CAMKMT: variants seen among roughly 807,000 people sequenced by gnomAD.
The protein encoded by CAMKMT is CaM KMT.
In CAMKMT, 53 loss-of-function variants were observed where a neutral mutation model predicts 48.0. That is an observed-to-expected ratio of 1.10 (90% CI 0.89 to 1.39). The LOEUF is 1.39. Among genes scored for constraint, CAMKMT ranks in the 40% most tolerant of loss-of-function variants. The pLI, the probability that CAMKMT is intolerant of heterozygous loss-of-function variation, is 0.00. For synonymous variants in CAMKMT, 165 were observed against 152.3 expected, an observed-to-expected ratio of 1.08 and a Z score of -0.61; for missense variants, 428 against 402.7, an observed-to-expected ratio of 1.06 and a Z score of -0.54.
At chr2:44,420,226 T>G (rs1683838285) in intron 3 of CAMKMT, among the ~76,000 whole-genome samples, 1 of 152,228 alleles carries the variant, frequency 6.6e-6, no homozygotes, top group Non-Finnish European at 1.5e-5. Context: ...CATGTTAATC[T>G]GTGTATAATT....
chr2:44,595,359 G>C (rs1223240409), intron 3 of CAMKMT, among the ~76,000 whole-genome samples: 3 of 152,164 alleles, frequency 2.0e-5, no homozygotes, highest in Non-Finnish European at 2.9e-5. Flanking sequence ...GCCCGCCTCA[G>C]CGTCCAAAGT....
intron 3 of CAMKMT, among the ~76,000 whole-genome samples, chr2:44,700,585 G>A (rs368951270): frequency 2.0e-5 from 3 of 152,150 alleles, no homozygotes; most frequent in Admixed American, 1.3e-4. Context: ...GGGGAATGCC[G>A]ACTGGTGGAG....
intron 3 of CAMKMT, among the ~76,000 whole-genome samples, chr2:44,702,490 A>G (rs148971337): frequency 2.6e-4 from 40 of 152,314 alleles, no homozygotes; most frequent in African/African-American, 8.7e-4. Context: ...CTCTCAGGCC[A>G]GTCCTGTGAG....
intron 3 of CAMKMT, among the ~76,000 whole-genome samples, chr2:44,629,401 A>G (rs1217859882): frequency 7.4e-6 from 1 of 135,674 alleles, no homozygotes; most frequent in Non-Finnish European, 1.6e-5. Context: ...TTACCTACCT[A>G]TCTCACTGTG....
intron 3 of CAMKMT, among the ~76,000 whole-genome samples, chr2:44,587,438 C>G (rs1032787934): frequency 2.3e-5 from 3 of 129,372 alleles, no homozygotes; most frequent in Non-Finnish European, 4.7e-5. Context: ...CTCTCCCTCT[C>G]CCTCCCCCTC....
At position 44,675,925 on chromosome 2, in the gene CAMKMT, T is replaced by C. The variant is rs565182091; in HGVS notation, c.377-28358T>C. Among the ~76,000 whole-genome samples, 6 of 152,324 alleles carry C rather than the reference T, an allele frequency of 3.9e-5. No homozygotes were observed. In the South Asian group the frequency reaches 1.2e-3, roughly 32 times the overall value. ...CGCAAATAAGTAAAATTGTACAGTA[T>C]TTTTCTTTTTGTGGCTAGCTTGTTT... is the stretch of plus-strand genomic sequence containing the variant. On this transcript the variant is annotated intron_variant, in intron 3 of 10. Coordinates refer to ENST00000378494, the MANE Select transcript of CAMKMT (RefSeq NM_024766.5).
chr2:44,671,551 C>A (rs1675326515), intron 3 of CAMKMT, among the ~76,000 whole-genome samples: 1 of 152,216 alleles, frequency 6.6e-6, no homozygotes, highest in Non-Finnish European at 1.5e-5. Context: ...GGCCTCCACT[C>A]ACCATGCCAG....
intron 6 of CAMKMT, among the ~76,000 whole-genome samples, chr2:44,714,641 T>A (rs1444089111): frequency 6.6e-6 from 1 of 152,146 alleles, no homozygotes; most frequent in Admixed American, 6.6e-5. Context: ...CTGGAAAGTC[T>A]CAGGAGACTG....
At chr2:44,617,395 G>A (rs1415133814) in intron 3 of CAMKMT, among the ~76,000 whole-genome samples, 1 of 152,170 alleles carries the variant, frequency 6.6e-6, no homozygotes, top group Admixed American at 6.5e-5. Context: ...CCTTAGGTAA[G>A]GGAAGAGACC....
chr2:44,768,044 G>C (rs1468832208), intron 10 of CAMKMT, among the ~76,000 whole-genome samples: 1 of 152,166 alleles, frequency 6.6e-6, no homozygotes, highest in Non-Finnish European at 1.5e-5. Context: ...GACATGCCAG[G>C]CACGCCCACC....
chr2:44,714,991 C>T (rs369987665), intron 6 of CAMKMT, among the ~76,000 whole-genome samples: 3 of 152,054 alleles, frequency 2.0e-5, no homozygotes, highest in South Asian at 2.1e-4. Flanking sequence ...GTCAGGAGTT[C>T]GAGACCAGCC....
chr2:44,482,346 AC>A (rs1669014954), intron 3 of CAMKMT, among the ~76,000 whole-genome samples: 1 of 152,164 alleles, frequency 6.6e-6, no homozygotes, highest in Non-Finnish European at 1.5e-5. Context: ...TCTTAAACAT[AC>A]ACCCAAAACA....
In CAMKMT at chr2:44,764,866, G is replaced by T. The variant is rs140003910; in HGVS notation, c.763-1564G>T. ...ATGTAGTGTAGTGGAGAGAGCATCAGTGCTGGGGCTTCTGATCATTCACTG... is the reference window on the plus strand; with the variant it reads ...ATGTAGTGTAGTGGAGAGAGCATCATTGCTGGGGCTTCTGATCATTCACTG... On this transcript the variant is annotated intron_variant, in intron 9 of 10. Coordinates refer to ENST00000378494, the MANE Select transcript of CAMKMT (RefSeq NM_024766.5). Among the ~76,000 whole-genome samples, 12 of 152,276 alleles carry T rather than the reference G, an allele frequency of 7.9e-5. No homozygotes were observed. In the East Asian group the frequency reaches 2.3e-3, roughly 29 times the overall value.
At chr2:44,463,469 G>A (rs2104625896) in intron 3 of CAMKMT, among the ~76,000 whole-genome samples, 1 of 152,266 alleles carries the variant, frequency 6.6e-6, no homozygotes, top group Non-Finnish European at 1.5e-5. Context: ...CTTCTGCCTT[G>A]AGAGGAAAAC....
At chr2:44,626,597 C>G (rs533546297) in intron 3 of CAMKMT, among the ~76,000 whole-genome samples, 1 of 152,306 alleles carries the variant, frequency 6.6e-6, no homozygotes, top group East Asian at 1.9e-4. Flanking sequence ...AGGGCCCATT[C>G]CTTCTCGACT....
At chr2:44,394,728 T>G (rs574962274) in intron 3 of CAMKMT, among the ~76,000 whole-genome samples, 103 of 152,326 alleles carry the variant, frequency 6.8e-4, no homozygotes, top group African/African-American at 2.4e-3. Flanking sequence ...GTGCCTGACC[T>G]GACCAGGATT....
At chr2:44,375,396 A>G (rs995512815) in intron 2 of CAMKMT, among the ~76,000 whole-genome samples, 15 of 151,664 alleles carry the variant, frequency 9.9e-5, no homozygotes, top group African/African-American at 3.6e-4. Context: ...AGAAATAAAT[A>G]TAAATATACA....
intron 3 of CAMKMT, among the ~76,000 whole-genome samples, chr2:44,435,078 C>CTA (rs1666141652): frequency 6.6e-6 from 1 of 152,080 alleles, no homozygotes; most frequent in South Asian, 2.1e-4. Context: ...TACGTAAATA[C>CTA]TACTAATTAA....
chr2:44,439,565 G>A (rs909756911), intron 3 of CAMKMT, among the ~76,000 whole-genome samples: 15 of 152,076 alleles, frequency 9.9e-5, no homozygotes, highest in African/African-American at 3.4e-4. Flanking sequence ...TGGGCCGGGC[G>A]CAGTGGCTCA....
Sources: gnomAD v4.1 joint callset for allele counts (sites outside exome capture counted in the v4.1 genomes callset) on GRCh38, gnomAD v4.1.1 for gene constraint, MANE v1.5 for transcripts, NCBI Gene and HGNC (gene_info 2026-07-23, HGNC 2026-07-21) for gene names.